The following RFX7 variants were observed in gnomAD, a reference collection of about 807,000 sequenced individuals.
RFX7 encodes the protein DNA-binding protein RFX7.
RFX7 carries 26 observed loss-of-function variants against 111.8 expected under a neutral mutation model. The observed-to-expected ratio is 0.23, with a 90% CI of 0.17 to 0.32. The LOEUF (loss-of-function observed/expected upper bound fraction) is 0.32, where lower values mean the gene tolerates loss of function less well. Among genes scored for constraint, RFX7 ranks in the 10% least tolerant of loss-of-function variants. The probability of loss-of-function intolerance (pLI) is 1.00; values close to 1 mark genes in which losing one functional copy is unlikely to be tolerated. For missense variants in RFX7, 1,573 were observed against 1,772.9 expected, an observed-to-expected ratio of 0.89 and a Z score of 2.02; for synonymous variants, 624 against 624.4, an observed-to-expected ratio of 1.00 and a Z score of 0.01.
At chr15:56,208,779 C>G (rs1318338902) in intron 2 of RFX7, among the ~76,000 whole-genome samples, 1 of 152,036 alleles carries the variant, frequency 6.6e-6, no homozygotes, top group Non-Finnish European at 1.5e-5. Flanking sequence ...TAATGGTAGG[C>G]TGGACACAGC....
chr15:56,128,830 A>AT (rs1475052528), intron 5 of RFX7, among the ~76,000 whole-genome samples: 1 of 152,074 alleles, frequency 6.6e-6, no homozygotes, highest in Non-Finnish European at 1.5e-5. Context: ...AAACCCTATA[A>AT]TTAGAGCTAA....
chr15:56,167,705 CA>C (rs1374896063), intron 3 of RFX7, among the ~76,000 whole-genome samples: 1 of 152,072 alleles, frequency 6.6e-6, no homozygotes, highest in Admixed American at 6.6e-5. Flanking sequence ...TTGTCTTTAC[CA>C]ATAAACAGAT....
intron 5 of RFX7, among the ~76,000 whole-genome samples, chr15:56,132,042 A>C (rs1484531224): frequency 6.6e-6 from 1 of 152,096 alleles, no homozygotes; most frequent in East Asian, 1.9e-4. Flanking sequence ...ATTATGTTAA[A>C]GGAGAAAATA....
intron 3 of RFX7, among the ~76,000 whole-genome samples, chr15:56,164,128 G>A (rs577450503): frequency 2.0e-4 from 30 of 152,302 alleles, no homozygotes; most frequent in African/African-American, 7.0e-4. Context: ...TCAGTGTCCT[G>A]TTTTCAAGAG....
intron 5 of RFX7, among the ~76,000 whole-genome samples, chr15:56,129,336 C>T (rs2042183757): frequency 6.7e-6 from 1 of 149,008 alleles, no homozygotes; most frequent in South Asian, 2.1e-4. Context: ...GATTGCAACA[C>T]AGCACTCCAG....
chr15:56,094,235 G>A lies in RFX7; in HGVS notation c.3493C>T (p.Arg1165Trp), dbSNP rs754509572. ...CGATGAACAGCAGGGCTCACACTCC[G>A]GCATCTGAAGTTGCTGCTGGCAGAT... ...NSSASSNFRC[R>W]SVSPAVHRQR... Residue 1165 changes from arginine to tryptophan, a missense_variant, in exon 10 of 10, where the codon CGG (arginine) becomes TGG (tryptophan). Physicochemically the swap from Arg to Trp is moderately radical, Grantham distance 101. Transcript: ENST00000559447. The A allele has an allele frequency of 3.2e-5, 52 of 1,613,794 alleles. No individual in the cohort carries two copies. Among genetic ancestry groups the A allele is most frequent in the Admixed American group, 1.7e-4 (10 of 59,986 alleles).
intron 2 of RFX7, among the ~76,000 whole-genome samples, chr15:56,202,105 C>T (rs929733086): frequency 3.3e-5 from 5 of 152,054 alleles, no homozygotes; most frequent in African/African-American, 1.2e-4. Flanking sequence ...CACAATTTTT[C>T]CCCAGACCAG....
chr15:56,094,402 G>T lies in RFX7; in HGVS notation c.3326C>A (p.Ser1109Tyr). The T allele has an allele frequency of 6.2e-7, 1 of 1,613,998 alleles. No homozygotes were observed. The highest frequency in any genetic ancestry group is 8.5e-7 in the Non-Finnish European group (1 of 1,179,874). ...ATGAGTGTCATGATGTCTGGATTGA[G>T]ACTGATAAGACTGTCCAGGCACAGC... ...AFAVPGQSYQ[S>Y]QSRHHDTHFG... is the part of the protein sequence containing the mutation. Residue 1109 changes from serine to tyrosine, a missense_variant, in exon 10 of 10, where the codon TCT (serine) becomes TAT (tyrosine). This residue lies in a region of RFX7 where 411 missense variants were observed against 478.1 expected (regional missense o/e 0.86). Transcript: ENST00000559447.
intron 3 of RFX7, among the ~76,000 whole-genome samples, chr15:56,161,389 T>C (rs182290395): frequency 6.6e-6 from 1 of 152,092 alleles, no homozygotes; most frequent in African/African-American, 2.4e-5. Flanking sequence ...AAGATAGACA[T>C]GTAAGATATT....
intron 2 of RFX7, among the ~76,000 whole-genome samples, chr15:56,194,532 G>A (rs1170221647): frequency 3.3e-5 from 5 of 152,044 alleles, no homozygotes; most frequent in Non-Finnish European, 5.9e-5. Flanking sequence ...GTCCATCATA[G>A]CAAAACTTAT....
chr15:56,232,890 C>T (rs1000326641), intron 2 of RFX7, among the ~76,000 whole-genome samples: 4 of 152,198 alleles, frequency 2.6e-5, no homozygotes, highest in African/African-American at 9.6e-5. Context: ...ATATTATTAT[C>T]AGCATTTTGG....
intron 2 of RFX7, among the ~76,000 whole-genome samples, chr15:56,225,618 T>C (rs11636035): frequency 0.13 from 19,814 of 152,178 alleles, 1,696 homozygotes; most frequent in East Asian, 0.44. Context: ...CTTTAGAAGT[T>C]AGGAACTCCA....
chr15:56,109,575 A>G (rs1396830593), intron 5 of RFX7, among the ~76,000 whole-genome samples: 3 of 145,550 alleles, frequency 2.1e-5, no homozygotes, highest in Middle Eastern at 3.6e-3. Context: ...GTCTCTGCCC[A>G]GCCGCCATCC....
intron 2 of RFX7, among the ~76,000 whole-genome samples, chr15:56,223,540 G>A (rs759107662): frequency 1.3e-5 from 2 of 152,104 alleles, no homozygotes; most frequent in Non-Finnish European, 2.9e-5. Context: ...CATGGAGGGA[G>A]GGTAAGTTTA....
At chr15:56,242,043 T>G (rs1473442860) in intron 2 of RFX7, among the ~76,000 whole-genome samples, 2 of 152,228 alleles carry the variant, frequency 1.3e-5, no homozygotes, top group African/African-American at 4.8e-5. Context: ...CGCCAGTTGC[T>G]TTACGATATG....
intron 2 of RFX7, among the ~76,000 whole-genome samples, chr15:56,216,031 C>T (rs778963722): frequency 2.2e-4 from 34 of 152,112 alleles, no homozygotes; most frequent in Admixed American, 7.2e-4. Flanking sequence ...GCTGCAGTGC[C>T]TTTTATGAAC....
chr15:56,219,988 T>C lies in RFX7; in HGVS notation c.161+23137A>G, dbSNP rs553916699. Among the ~76,000 whole-genome samples the C allele has an allele frequency of 5.9e-5, 9 of 152,308 alleles. No homozygotes were observed. The East Asian group carries it at 1.4e-3, about 23-fold the overall frequency. On this transcript the variant is annotated intron_variant, in intron 2 of 9. Transcript: ENST00000559447. Reference sequence around the variant, plus strand: ...AACTAATTTATACTTCCACTAGCAGTATATAAGCATTTCCTTTTCTTGACA... The same window carrying C: ...AACTAATTTATACTTCCACTAGCAGCATATAAGCATTTCCTTTTCTTGACA...
intron 3 of RFX7, chr15:56,160,785 T>G (rs1218863393): frequency 6.6e-6 from 1 of 152,024 alleles, no homozygotes; most frequent in Non-Finnish European, 1.5e-5. Flanking sequence ...GAGAAAAAGG[T>G]CAGGTATGAG....
chr15:56,094,663 T>C lies in RFX7; in HGVS notation c.3065A>G (p.Asn1022Ser). The C allele has an allele frequency of 1.9e-6, 3 of 1,613,956 alleles. No individual in the cohort carries two copies. ...SVPPSPVECR[N>S]PFAFTPISSS... ...GCTTATTGGAGTGAATGCAAACGGA[T>C]TCCTGCATTCAACAGGGCTGGGGGG... The change falls in exon 10 of 10, where the codon AAT becomes AGT. Residue 1022 changes from asparagine (N) to serine (S), a missense_variant. Asn to Ser is a conservative substitution (Grantham distance 46, BLOSUM62 1). This residue lies in a region of RFX7 where 32 missense variants were observed against 67.7 expected (regional missense o/e 0.47). Coordinates refer to ENST00000559447, the MANE Select transcript of RFX7 (RefSeq NM_022841.7).
Sources: allele counts gnomAD v4.1 joint callset (sites outside exome capture counted in the v4.1 genomes callset), GRCh38; gene constraint gnomAD v4.1.1; regional missense constraint gnomAD v4.1.1; transcripts MANE v1.5; gene names NCBI Gene and HGNC (gene_info 2026-07-23, HGNC 2026-07-21).